Variants in RAB11B observed in about 807,000 individuals in gnomAD.
The protein encoded by RAB11B is ras-related protein Rab-11B.
In RAB11B, 7 loss-of-function variants were observed where a neutral mutation model predicts 23.7. That is an observed-to-expected ratio of 0.29 (90% CI 0.17 to 0.55). RAB11B has a LOEUF of 0.55. Among genes scored for constraint, RAB11B ranks in the 20% least tolerant of loss-of-function variants. The pLI, the probability that RAB11B is intolerant of heterozygous loss-of-function variation, is 0.93. For missense variants in RAB11B, 189 were observed against 320.0 expected (o/e 0.59, Z 3.12); for synonymous variants, 138 against 132.0 (o/e 1.05, Z -0.31).
chr19:8,400,374 G>T (rs1359333551), intron 2 of RAB11B: 2 of 416,864 alleles, frequency 4.8e-6, no homozygotes, highest in East Asian at 9.0e-5. Context: ...CTCCTCACTG[G>T]TGCCCACACC....
At chr19:8,393,032 C>A (rs1218646250) in intron 1 of RAB11B, among the ~76,000 whole-genome samples, 1 of 151,362 alleles carries the variant, frequency 6.6e-6, no homozygotes, top group Non-Finnish European at 1.5e-5. Flanking sequence ...CGCACTGGCT[C>A]CCTTGACTTC....
rs774525748 is a variant in RAB11B at position 8,399,957 on chromosome 19, C to T, written c.135C>T (p.Gly45=). Residue 45 remains glycine, a synonymous_variant, in exon 2 of 5, where the codon GGC becomes GGT. Transcript: ENST00000328024. ...ACCTGGAGAGCAAGAGCACCATCGG[C>T]GTGGAGTTCGCCACCCGCAGCATCC... ...EFNLESKSTI[G]VEFATRSIQV... 5.0e-6 allele frequency: 8 copies of T among 1,614,078 alleles called. No homozygotes were observed. Among genetic ancestry groups the T allele is most frequent in the South Asian group, 1.1e-5 (1 of 91,086 alleles).
At chr19:8,402,928 G>C (rs747406881) in intron 4 of RAB11B, 32 of 445,828 alleles carry the variant, frequency 7.2e-5, no homozygotes, top group Non-Finnish European at 1.2e-4. Flanking sequence ...CTCCCAAAGT[G>C]CTGGGATTAC....
In RAB11B at chr19:8,396,637, C is replaced by G. The variant is rs965684253; in HGVS notation, c.41-3226C>G. 3.3e-5 allele frequency among the ~76,000 whole-genome samples: 5 copies of G among 151,014 alleles called. No individual in the cohort carries two copies. The highest frequency in any genetic ancestry group is 1.2e-4 in the African/African-American group (5 of 40,962). Reference sequence around the variant, plus strand: ...GCAGCAGGAGCAACCCGTGCAAAGGCCCTGAGGCAGGATCGCACCTGGCGT... The same window carrying G: ...GCAGCAGGAGCAACCCGTGCAAAGGGCCTGAGGCAGGATCGCACCTGGCGT... On this transcript the variant is annotated intron_variant, in intron 1 of 4. Coordinates refer to ENST00000328024, the MANE Select transcript of RAB11B (RefSeq NM_004218.4). This position sits in a 1 kb window ranked among gnomAD's most constrained non-coding sequence, Gnocchi z 5.0.
In RAB11B at chr19:8,395,269, TTC is replaced by T. The variant is rs1365546371; in HGVS notation, c.41-4592_41-4591del. Among the ~76,000 whole-genome samples, 46 of 134,514 alleles carry T rather than the reference TTC, an allele frequency of 3.4e-4. No individual in the cohort carries two copies. The East Asian group carries it at 6.1e-3, about 18-fold the overall frequency. The allele number at this position is 134,514 out of a possible 152,430, so 88.2% of individuals were successfully genotyped here. A position where few individuals can be genotyped will look rare whatever the true frequency, so the allele number is the denominator to read the frequency against. On this transcript the variant is annotated intron_variant, in intron 1 of 4. Transcript: ENST00000328024. ...ACATTCACTCCACCTCTTTCCATCT[TTC>T]TTTTTTTTTTTTTTTTTTTTGAGAT...
intron 1 of RAB11B, among the ~76,000 whole-genome samples, chr19:8,391,281 C>T (rs1243204455): frequency 6.6e-6 from 1 of 152,226 alleles, no homozygotes; most frequent in Non-Finnish European, 1.5e-5. Flanking sequence ...CGATTGAGCC[C>T]AGGCCACCTG....
chr19:8,402,671 T>G (rs75589293), intron 4 of RAB11B, 106 bp downstream of exon 4: 8 of 809,650 alleles, frequency 9.9e-6, no homozygotes, highest in Admixed American at 3.2e-5. Flanking sequence ...TTTTCTTTTT[T>G]TTGTCGGGGC....
In RAB11B at chr19:8,396,601, G is replaced by T. The variant is rs112962009; in HGVS notation, c.41-3262G>T. On this transcript the variant is annotated intron_variant, in intron 1 of 4. Transcript: ENST00000328024. This position sits in a 1 kb window ranked among gnomAD's most constrained non-coding sequence, Gnocchi z 5.0. ...GGGAGCCAGGTGTGTGCCTGGAGAA[G>T]AGCGTTTCTGGCAGCAGGAGCAACC... Among the ~76,000 whole-genome samples, 1,530 of 152,012 alleles carry T rather than the reference G, an allele frequency of 0.01. 39 individuals are homozygous for T. Among genetic ancestry groups the T allele is most frequent in the African/African-American group, 0.035 (1,436 of 41,412 alleles).
intron 1 of RAB11B, among the ~76,000 whole-genome samples, chr19:8,394,101 C>T (rs1331834345): frequency 6.6e-6 from 1 of 152,326 alleles, no homozygotes; most frequent in Non-Finnish European, 1.5e-5. Context: ...TGGACCAGCC[C>T]GCCACTGCCC....
chr19:8,392,685 CTTTTTTTTTTTTTTT>C (rs74176644), intron 1 of RAB11B, among the ~76,000 whole-genome samples: 60 of 79,668 alleles, frequency 7.5e-4, no homozygotes, highest in Non-Finnish European at 6.8e-4. Context: ...TTTTTCTTTT[CTTTTTTTTTTTTTTT>C]TTTTTTTGAG....
rs757240632 is a variant in RAB11B, at chr19:8,390,479, G to A, written c.40+23G>A. On this transcript the variant is annotated intron_variant, in intron 1 of 4. Coordinates refer to ENST00000328024, the MANE Select transcript of RAB11B (RefSeq NM_004218.4). ...AAGGTGCGGCCGGTGGGGCACAGAC[G>A]GGCGAAGTCGTGGCGGCGAGGCGGC... 7 of 1,485,788 alleles carry A rather than the reference G, an allele frequency of 4.7e-6. No homozygotes were observed. In the East Asian group the frequency reaches 1.4e-4, roughly 29 times the overall value. The allele number at this position is 1,485,788 out of a possible 1,614,324, so 92.0% of individuals were successfully genotyped here. A position where few individuals can be genotyped will look rare whatever the true frequency, so the allele number is the denominator to read the frequency against.
chr19:8,398,445 G>A (rs931654560), intron 1 of RAB11B, among the ~76,000 whole-genome samples: 6 of 152,214 alleles, frequency 3.9e-5, no homozygotes, highest in East Asian at 1.9e-4. Context: ...GTGCACACAC[G>A]TGGACTGCCA....
chr19:8,398,506 G>C (rs1240038945), intron 1 of RAB11B, among the ~76,000 whole-genome samples: 1 of 152,236 alleles, frequency 6.6e-6, no homozygotes, highest in African/African-American at 2.4e-5. Flanking sequence ...GCTCCCTGCA[G>C]CTCAGCAGGG....
rs1275870335 is a variant in RAB11B, at chr19:8,399,814, A to G, written c.41-49A>G. 3 of 1,580,944 alleles carry G rather than the reference A, an allele frequency of 1.9e-6. No homozygotes were observed. The African/African-American group carries it at 4.0e-5, about 21-fold the overall frequency. ...GAACCGGCGGGAAGGTTGTGGGGGC[A>G]GTCGTGGGTGGAGTGTGGGGATTCA... On this transcript the variant is annotated intron_variant, in intron 1 of 4. Coordinates refer to ENST00000328024, the MANE Select transcript of RAB11B (RefSeq NM_004218.4).
At chr19:8,399,580 G>C (rs903676972) in intron 1 of RAB11B, among the ~76,000 whole-genome samples, 2 of 152,238 alleles carry the variant, frequency 1.3e-5, no homozygotes, top group Admixed American at 1.3e-4. Flanking sequence ...TGCCTGCCTG[G>C]CTGCCTGGGT....
chr19:8,398,347 G>T (rs1568228245), intron 1 of RAB11B, among the ~76,000 whole-genome samples: 1 of 152,190 alleles, frequency 6.6e-6, no homozygotes, highest in South Asian at 2.1e-4. Flanking sequence ...CTCCTTTCTG[G>T]GCCAGGGTTT....
At chr19:8,403,292 G>C in intron 4 of RAB11B, 121 bp from the exon 5 acceptor site, 1 of 1,301,542 alleles carries the variant, frequency 7.7e-7, no homozygotes, top group South Asian at 1.4e-5. Context: ...TGTTACCCCT[G>C]ATGTGATGGG....
In RAB11B at chr19:8,390,407, C is replaced by T; in HGVS notation, c.-10C>T. The T allele has an allele frequency of 2.0e-6, 3 of 1,533,834 alleles. No individual in the cohort carries two copies. The highest frequency in any genetic ancestry group is 2.6e-6 in the Non-Finnish European group (3 of 1,144,310). ...GCGGAGTCGCCGATCCCGCCGGAAG[C>T]GCCAGGACAATGGGGACCCGGGACG... On this transcript the variant is annotated 5_prime_UTR_variant, in exon 1 of 5. Transcript: ENST00000328024.
At chr19:8,403,302 GGGCGC>G in intron 4 of RAB11B, 106 bp from the exon 5 acceptor site, 2 of 1,364,536 alleles carry the variant, frequency 1.5e-6, no homozygotes, top group Admixed American at 2.0e-5. Flanking sequence ...GATGTGATGG[GGGCGC>G]TGTGGGGGTC....
Sources: allele counts gnomAD v4.1 joint callset (sites outside exome capture counted in the v4.1 genomes callset), GRCh38; gene constraint gnomAD v4.1.1; non-coding constraint Gnocchi (gnomAD v3.1); transcripts MANE v1.5; gene names NCBI Gene and HGNC (gene_info 2026-07-23, HGNC 2026-07-21).